The following RBFOX1 variants were observed in gnomAD, a reference collection of about 807,000 sequenced individuals.
RBFOX1 encodes RNA binding fox-1 homolog 1.
RBFOX1 carries 8 observed loss-of-function variants against 57.7 expected under a neutral mutation model. The observed-to-expected ratio is 0.14, with a 90% CI of 0.08 to 0.25. RBFOX1 has a LOEUF of 0.25. Among genes scored for constraint, RBFOX1 ranks in the 10% least tolerant of loss-of-function variants. RBFOX1 has a pLI of 1.00. For synonymous variants in RBFOX1, 326 were observed against 222.4 expected, an observed-to-expected ratio of 1.47 and a Z score of -4.15; for missense variants, 611 against 548.5, an observed-to-expected ratio of 1.11 and a Z score of -1.14.
intron 2 of RBFOX1, among the ~76,000 whole-genome samples, chr16:6,360,197 A>T (rs1784200445): frequency 6.6e-6 from 1 of 152,148 alleles, no homozygotes; most frequent in African/African-American, 2.4e-5. Flanking sequence ...AGGAAGAAGC[A>T]GGAAATGAAT....
chr16:5,974,811 C>G (rs922765022), intron 4 of RBFOX1, among the ~76,000 whole-genome samples: 1 of 152,028 alleles, frequency 6.6e-6, no homozygotes, highest in African/African-American at 2.4e-5. Context: ...GAGTTCCAGA[C>G]CAGCCTGACC....
At chr16:5,714,554 A>G (rs2051617065) in intron 3 of RBFOX1, among the ~76,000 whole-genome samples, 1 of 152,112 alleles carries the variant, frequency 6.6e-6, no homozygotes, top group Non-Finnish European at 1.5e-5. Context: ...TGAAAAATAA[A>G]CCCTTACAAT....
chr16:7,522,660 A>T (rs1403995941), intron 5 of RBFOX1, among the ~76,000 whole-genome samples: 1 of 152,198 alleles, frequency 6.6e-6, no homozygotes, highest in African/African-American at 2.4e-5. Flanking sequence ...ATTTAGATTC[A>T]ACTAATTTAT....
chr16:6,771,247 TGA>T (rs2078242786), intron 3 of RBFOX1, among the ~76,000 whole-genome samples: 1 of 152,204 alleles, frequency 6.6e-6, no homozygotes, highest in African/African-American at 2.4e-5. Context: ...TCCAGAATTG[TGA>T]GAAAATAAAT....
In RBFOX1 at chr16:5,404,718, G is replaced by A. The variant is rs2066814881; in HGVS notation, c.220-62498G>A. On this transcript the variant is annotated intron_variant, in intron 1 of 2. Transcript: ENST00000585867. ...GAAACCCATGCATGGCAGTTTTGTGGTGCATGCTGTCTGGAGCCTGCAGGG... is the reference window on the plus strand; with the variant it reads ...GAAACCCATGCATGGCAGTTTTGTGATGCATGCTGTCTGGAGCCTGCAGGG... Among the ~76,000 whole-genome samples, 3 of 152,180 alleles carry A rather than the reference G, an allele frequency of 2.0e-5. 1 individual carries two copies. The highest frequency in any genetic ancestry group is 4.1e-4 in the South Asian group (2 of 4,824).
chr16:5,568,119 A>G (rs897705217), intron 2 of RBFOX1, among the ~76,000 whole-genome samples: 1 of 152,200 alleles, frequency 6.6e-6, no homozygotes, highest in Non-Finnish European at 1.5e-5. Flanking sequence ...TCACTGCTAA[A>G]CAATGAGATC....
chr16:6,716,308 C>G (rs901511579), intron 3 of RBFOX1, among the ~76,000 whole-genome samples: 1 of 152,190 alleles, frequency 6.6e-6, no homozygotes, highest in Non-Finnish European at 1.5e-5. Context: ...CTTCCGATCC[C>G]TTCTGTGGGG....
intron 1 of RBFOX1, among the ~76,000 whole-genome samples, chr16:6,170,639 T>A (rs1461942154): frequency 6.6e-6 from 1 of 152,224 alleles, no homozygotes; most frequent in Non-Finnish European, 1.5e-5. Context: ...GCAGTTTTTT[T>A]ATTTAGGTAA....
intron 3 of RBFOX1, among the ~76,000 whole-genome samples, chr16:6,780,555 T>C (rs893962696): frequency 1.7e-5 from 2 of 114,286 alleles, no homozygotes; most frequent in African/African-American, 8.5e-5. Context: ...CATATATATT[T>C]ACATATTTAT....
chr16:5,891,943 T>C (rs562202132), intron 4 of RBFOX1, among the ~76,000 whole-genome samples: 3 of 152,222 alleles, frequency 2.0e-5, no homozygotes, highest in African/African-American at 7.2e-5. Context: ...AAGAAGACGA[T>C]GTCTCTTGTG....
At chr16:6,543,436 C>T (rs1465833644) in intron 2 of RBFOX1, among the ~76,000 whole-genome samples, 1 of 152,120 alleles carries the variant, frequency 6.6e-6, no homozygotes, top group Non-Finnish European at 1.5e-5. Flanking sequence ...TTCAAGCCTG[C>T]TTGCAGAGGC....
At chr16:7,078,585 T>A (rs1198694489) in intron 4 of RBFOX1, among the ~76,000 whole-genome samples, 1 of 152,076 alleles carries the variant, frequency 6.6e-6, no homozygotes, top group Non-Finnish European at 1.5e-5. Context: ...TGGCCTCAAG[T>A]GATCCACCCA....
chr16:5,624,341 C>G (rs886960043), intron 3 of RBFOX1, among the ~76,000 whole-genome samples: 8 of 152,190 alleles, frequency 5.3e-5, no homozygotes, highest in African/African-American at 1.9e-4. Flanking sequence ...ACTACAGGCA[C>G]CTACTACCGT....
At chr16:5,919,969 C>T (rs901221159) in intron 4 of RBFOX1, among the ~76,000 whole-genome samples, 8 of 152,022 alleles carry the variant, frequency 5.3e-5, no homozygotes, top group South Asian at 2.1e-4. Flanking sequence ...GACGGAGTCT[C>T]GCACTGTCGC....
chr16:7,672,409 C>G (rs986904032), intron 13 of RBFOX1, among the ~76,000 whole-genome samples: 4 of 152,256 alleles, frequency 2.6e-5, no homozygotes, highest in South Asian at 4.2e-4. Flanking sequence ...TACGAAAGTA[C>G]TTTTTGTAAA....
intron 3 of RBFOX1, among the ~76,000 whole-genome samples, chr16:5,754,395 G>A (rs1478287373): frequency 6.6e-6 from 1 of 152,088 alleles, no homozygotes; most frequent in African/African-American, 2.4e-5. Flanking sequence ...TGATGTGGGG[G>A]TGGGTTGCCC....
At chr16:6,863,148 G>A (rs1223773805) in intron 3 of RBFOX1, among the ~76,000 whole-genome samples, 2 of 152,038 alleles carry the variant, frequency 1.3e-5, no homozygotes, top group Non-Finnish European at 2.9e-5. Context: ...ATAAGCAGGG[G>A]ATCAAAAGTC....
At chr16:7,124,685 C>T (rs548021375) in intron 4 of RBFOX1, among the ~76,000 whole-genome samples, 1 of 151,516 alleles carries the variant, frequency 6.6e-6, no homozygotes, top group African/African-American at 2.4e-5. Context: ...TCACAATACT[C>T]GAAAATCTCC....
chr16:7,463,665 C>G (rs577640275), intron 4 of RBFOX1, among the ~76,000 whole-genome samples: 5 of 152,158 alleles, frequency 3.3e-5, no homozygotes, highest in East Asian at 1.9e-4. Flanking sequence ...ATAGCAGTCA[C>G]CTTTGCCATG....
Sources: gnomAD v4.1 joint callset for allele counts (sites outside exome capture counted in the v4.1 genomes callset) on GRCh38, gnomAD v4.1.1 for gene constraint, MANE v1.5 for transcripts, NCBI Gene and HGNC (gene_info 2026-07-23, HGNC 2026-07-21) for gene names.